HELLS: variants seen among roughly 807,000 people sequenced by gnomAD.
HELLS encodes the protein lymphoid-specific helicase.
In HELLS, 32 loss-of-function variants were observed where a neutral mutation model predicts 120.0. The ratio of observed to expected loss-of-function variants is 0.27; its 90% CI spans 0.20 to 0.36. HELLS has a LOEUF of 0.36. Among genes scored for constraint, HELLS ranks in the 10% least tolerant of loss-of-function variants. The pLI, the probability that HELLS is intolerant of heterozygous loss-of-function variation, is 1.00. For synonymous variants in HELLS, 341 were observed against 323.4 expected (o/e 1.05, Z -0.58); for missense variants, 650 against 993.4 (o/e 0.65, Z 4.65).
intron 10 of HELLS, among the ~76,000 whole-genome samples, chr10:94,581,047 A>T (rs1476561849): frequency 2.0e-5 from 3 of 152,216 alleles, no homozygotes; most frequent in Admixed American, 6.5e-5. Flanking sequence ...AACTGCGTTG[A>T]CTAAGGTGTG....
At chr10:94,556,467 T>C (rs1403765945) in intron 3 of HELLS, among the ~76,000 whole-genome samples, 3 of 152,210 alleles carry the variant, frequency 2.0e-5, no homozygotes, top group Admixed American at 6.5e-5. Context: ...GTAATTGACA[T>C]ACACTAAACT....
downstream of HELLS, among the ~76,000 whole-genome samples, chr10:94,603,930 C>T (rs1298492301): frequency 1.3e-5 from 2 of 151,978 alleles, no homozygotes; most frequent in Admixed American, 6.6e-5. Context: ...CGGGTTCAAG[C>T]GATTCTCCTA....
chr10:94,550,285 T>C (rs889488213), intron 2 of HELLS, among the ~76,000 whole-genome samples: 1 of 151,776 alleles, frequency 6.6e-6, no homozygotes, highest in Admixed American at 6.6e-5. Context: ...TTTTTGCTTG[T>C]TTGTTTGTTT....
At chr10:94,557,228 TC>T in intron 3 of HELLS, 1 of 395,040 alleles carries the variant, frequency 2.5e-6, no homozygotes, top group East Asian at 8.0e-5. Context: ...ATACAGTAAG[TC>T]CCGGTGTCCC....
chr10:94,562,036 C>G (rs1042433289), intron 4 of HELLS, among the ~76,000 whole-genome samples: 1 of 151,710 alleles, frequency 6.6e-6, no homozygotes, highest in African/African-American at 2.4e-5. Context: ...CCGCCTCTGC[C>G]TCCCAAAGTG....
At chr10:94,592,581 A>G in intron 17 of HELLS, 67 bp downstream of exon 17, 1 of 1,057,238 alleles carries the variant, frequency 9.5e-7, no homozygotes, top group African/African-American at 1.6e-5. Flanking sequence ...TTCTGAAGTA[A>G]TATTCCAAAT....
At chr10:94,605,114 C>T (rs1369074508), downstream of HELLS, among the ~76,000 whole-genome samples, 1 of 121,988 alleles carries the variant, frequency 8.2e-6, no homozygotes, top group Admixed American at 1.0e-4. Context: ...CAGAGTTTCA[C>T]TCTTGTTGCC....
intron 18 of HELLS, 122 bp from the exon 19 acceptor site, chr10:94,594,573 T>C (rs1245220779): frequency 6.4e-6 from 4 of 625,956 alleles, no homozygotes; most frequent in Non-Finnish European, 1.0e-5. Context: ...TCTGGAAGTT[T>C]AAATTAAGAC....
At position 94,588,318 on chromosome 10, in the gene HELLS, T is replaced by G; in HGVS notation, c.1416T>G (p.Leu472=). 2 of 1,612,838 alleles carry G rather than the reference T, an allele frequency of 1.2e-6. No homozygotes were observed. The highest frequency in any genetic ancestry group is 2.7e-5 in the African/African-American group (2 of 75,012). The part of the protein sequence containing the change: ...PKREVVVYAP[L]SKKQEIFYTA... ...GAGAAGTAGTCGTTTATGCTCCACT[T>G]TCAAAGAAGCAGGAGATCTTTTATA... Residue 472 remains leucine, a synonymous_variant, in exon 13 of 22, where the codon CTT becomes CTG. Transcript: ENST00000348459.
chr10:94,579,086 C>T (rs990922104), intron 10 of HELLS, among the ~76,000 whole-genome samples: 4 of 151,818 alleles, frequency 2.6e-5, no homozygotes, highest in African/African-American at 9.7e-5. Context: ...TTGGGGACCC[C>T]TGATTTAAAG....
chr10:94,607,949 AACTG>A lies in HELLS; in HGVS notation c.859_862del (p.Leu287SerfsTer18). 1 of 426,916 alleles carries A rather than the reference AACTG, an allele frequency of 2.3e-6. No homozygotes were observed. The highest frequency in any genetic ancestry group is 4.7e-6 in the Non-Finnish European group (1 of 212,268). The allele number at this position is 426,916 out of a possible 1,614,324, so 26.4% of individuals were successfully genotyped here. ...CACCATCTTGGCCTGACTGGTCCCG[AACTG>A]ATCTCAGGTGATCTGCCCACCTCGG... On this transcript the variant is annotated frameshift_variant, in exon 9 of 10. Transcript: ENST00000371327. LOFTEE classifies it high-confidence loss of function.
At chr10:94,603,190 A>C (rs1474794875), downstream of HELLS, among the ~76,000 whole-genome samples, 2 of 152,230 alleles carry the variant, frequency 1.3e-5, no homozygotes, top group African/African-American at 2.4e-5. Context: ...TCCTTGAAAA[A>C]GAGTTCTATT....
chr10:94,558,691 T>TC (rs1843388903), intron 4 of HELLS, among the ~76,000 whole-genome samples: 1 of 151,970 alleles, frequency 6.6e-6, no homozygotes, highest in Admixed American at 6.6e-5. Context: ...AAGCTCTGCC[T>TC]CCCGGGTTCA....
At position 94,583,044 on chromosome 10, in the gene HELLS, G is replaced by A; in HGVS notation, c.1311G>A (p.Leu437=). The change falls in exon 12 of 22, where the codon TTG becomes TTA. Residue 437 remains leucine (L), a synonymous_variant. Transcript: ENST00000348459. The part of the protein sequence containing the change: ...IIAKEREQNV[L]HMLHQILTPF... ...CTAAAGAAAGAGAACAGAATGTATT[G>A]CATATGCTGCACCAGGTTTTCCATG... The A allele has an allele frequency of 6.3e-7, 1 of 1,586,910 alleles. No homozygotes were observed. Among genetic ancestry groups the A allele is most frequent in the Non-Finnish European group, 8.6e-7 (1 of 1,162,760 alleles).
At chr10:94,596,532 C>T (rs141128844) in intron 19 of HELLS, among the ~76,000 whole-genome samples, 21 of 151,944 alleles carry the variant, frequency 1.4e-4, no homozygotes, top group East Asian at 1.9e-4. Context: ...TTCCATTCTC[C>T]TGTTGGTCGA....
intron 9 of HELLS, 42 bp downstream of exon 9, chr10:94,574,778 T>C: frequency 2.7e-6 from 4 of 1,463,732 alleles, no homozygotes; most frequent in Non-Finnish European, 3.8e-6. Context: ...ATTTTACATG[T>C]TTTCTTATGC....
intron 13 of HELLS, 45 bp from the exon 14 acceptor site, chr10:94,590,368 A>T (rs980447117): frequency 2.0e-6 from 3 of 1,523,324 alleles, no homozygotes; most frequent in African/African-American, 2.8e-5. Flanking sequence ...GAACCTAAGG[A>T]CATAGCTTTA....
intron 4 of HELLS, among the ~76,000 whole-genome samples, chr10:94,558,888 A>AC (rs552908151): frequency 2.0e-5 from 3 of 152,170 alleles, no homozygotes; most frequent in Non-Finnish European, 4.4e-5. Flanking sequence ...GGCATGAGCC[A>AC]CCACGCCCAG....
intron 9 of HELLS, among the ~76,000 whole-genome samples, chr10:94,576,230 C>G (rs964465742): frequency 6.6e-6 from 1 of 152,174 alleles, no homozygotes; most frequent in African/African-American, 2.4e-5. Flanking sequence ...CCTGCTATCT[C>G]ACACGCCTGA....
Sources: allele counts gnomAD v4.1 joint callset (sites outside exome capture counted in the v4.1 genomes callset), GRCh38; gene constraint gnomAD v4.1.1; transcripts MANE v1.5; gene names NCBI Gene and HGNC (gene_info 2026-07-23, HGNC 2026-07-21).